MYH7: variants seen among roughly 807,000 people sequenced by gnomAD.
The protein encoded by MYH7 is myosin-7.
A neutral mutation model predicts 225.4 loss-of-function variants in MYH7; 129 were observed. The ratio of observed to expected loss-of-function variants is 0.57; its 90% CI spans 0.50 to 0.66. The LOEUF (loss-of-function observed/expected upper bound fraction) is 0.66. Ranked by LOEUF, MYH7 falls within the 30% of genes least tolerant of loss-of-function variation. The probability of loss-of-function intolerance (pLI) is 0.00; values close to 1 mark genes in which losing one functional copy is unlikely to be tolerated. For synonymous variants in MYH7, 971 were observed against 1,007.6 expected (o/e 0.96, Z 0.69); for missense variants, 1,649 against 2,517.0 (o/e 0.66, Z 7.38).
chr14:23,415,926 A>G lies in MYH7; in HGVS notation c.4953+78T>C. The G allele has an allele frequency of 6.2e-7, 1 of 1,613,478 alleles. No homozygotes were observed. The highest frequency in any genetic ancestry group is 8.5e-7 in the Non-Finnish European group (1 of 1,179,594). On this transcript the variant is annotated intron_variant, in intron 34 of 39. Coordinates refer to ENST00000355349, the MANE Select transcript of MYH7 (RefSeq NM_000257.4). The surrounding 1 kb of genome is among the most constrained non-coding windows in gnomAD (Gnocchi z 6.3). ...GAGGTCCCTGCAGTAACCTAGGGGC[A>G]GGAGGAATCTGGTGCCTGTATCAAG... is the stretch of plus-strand genomic sequence containing the variant.
chr14:23,425,177 G>T lies in MYH7; in HGVS notation c.2423+105C>A, dbSNP rs182839600. On this transcript the variant is annotated intron_variant, in intron 21 of 39. Coordinates refer to ENST00000355349, the MANE Select transcript of MYH7 (RefSeq NM_000257.4). This position sits in a 1 kb window ranked among gnomAD's most constrained non-coding sequence, Gnocchi z 4.6. Reference sequence around the variant, plus strand: ...CAGTGTGTTCATATGAGCCCCTCCTGCAGGTCTCTGTGTTTGAAGATCTGC... The same window carrying T: ...CAGTGTGTTCATATGAGCCCCTCCTTCAGGTCTCTGTGTTTGAAGATCTGC... 1.6e-4 allele frequency: 264 copies of T among 1,602,898 alleles called. 1 individual carries two copies. In the Admixed American group the frequency reaches 4.1e-3, roughly 25 times the overall value.
chr14:23,419,413 C>G, intron 28 of MYH7, 70 bp downstream of exon 28: 1 of 1,611,724 alleles, frequency 6.2e-7, no homozygotes, highest in South Asian at 1.1e-5. Flanking sequence ...GGCTTGTGCC[C>G]GAGGCTGGAG....
Position 23,419,998 on chromosome 14 carries a change from G to A in MYH7, c.3573C>T (p.Ala1191=). 6.3e-7 allele frequency: 1 copy of A among 1,597,252 alleles called. No homozygotes were observed. Among genetic ancestry groups the A allele is most frequent in the Non-Finnish European group, 8.6e-7 (1 of 1,169,054 alleles). ...ATLQHEATAA[A]LRKKHADSVA... ...CGCTGTCGGCGTGCTTCTTGCGCAG[G>A]GCCGCGGCAGTGGCCTCGTGCTGCA... The change falls in exon 27 of 40, where the codon GCC becomes GCT. Residue 1191 remains alanine, a synonymous_variant. Transcript: ENST00000355349.
Position 23,415,566 on chromosome 14 carries a change from C to T in MYH7, c.5158-60G>A, listed in dbSNP as rs1001644180. 6.2e-6 allele frequency: 10 copies of T among 1,613,978 alleles called. No individual in the cohort carries two copies. Among genetic ancestry groups the T allele is most frequent in the Non-Finnish European group, 8.5e-6 (10 of 1,180,036 alleles). The stretch of plus-strand genomic sequence containing the variant: ...GCATTGAGCATCTATGCATAGCTCT[C>T]AAGCCTTGCTTGCTGAGCCCCAGCC... On this transcript the variant is annotated intron_variant, in intron 35 of 39. Coordinates refer to ENST00000355349, the MANE Select transcript of MYH7 (RefSeq NM_000257.4). This position sits in a 1 kb window ranked among gnomAD's most constrained non-coding sequence, Gnocchi z 6.3.
chr14:23,424,233 C>G (rs1013955610), intron 22 of MYH7, 84 bp from the exon 23 acceptor site: 9 of 1,563,006 alleles, frequency 5.8e-6, no homozygotes, highest in Non-Finnish European at 7.8e-6. Flanking sequence ...GCACATCACT[C>G]AAATAGGAGG....
Position 23,419,483 on chromosome 14 carries a change from C to T in MYH7, c.3853G>A (p.Gly1285Ser). The T allele has an allele frequency of 6.2e-7, 1 of 1,614,056 alleles. No homozygotes were observed. The highest frequency in any genetic ancestry group is 8.5e-7 in the Non-Finnish European group (1 of 1,180,008). The change falls in exon 28 of 40, where the codon GGT (glycine) becomes AGT (serine). Residue 1285 changes from glycine to serine, a missense_variant and splice_region_variant. By Grantham distance (56) the Gly-to-Ser change is moderately conservative. Transcript: ENST00000355349. ...SQRAKLQTEN[G>S]ELSRQLDEKE... ...CATGGAGCCCCTGCTCTAGGCTCACCATTCTCGGTTTGCAACTTGGCCCGC... is the reference window on the plus strand; with the variant it reads ...CATGGAGCCCCTGCTCTAGGCTCACTATTCTCGGTTTGCAACTTGGCCCGC...
intron 22 of MYH7, 111 bp downstream of exon 22, chr14:23,424,658 G>C: frequency 6.4e-7 from 1 of 1,567,902 alleles, no homozygotes; most frequent in Non-Finnish European, 8.7e-7. Context: ...TGATCCCAGA[G>C]TCCTCTGACT....
intron 4 of MYH7, 81 bp from the exon 5 acceptor site, chr14:23,432,876 G>A (rs1893006095): frequency 6.3e-7 from 1 of 1,582,312 alleles, no homozygotes; most frequent in Non-Finnish European, 8.7e-7. Context: ...AAAGATCCCA[G>A]GAGAGAAAGA....
rs1463884447 is a variant in MYH7, at chr14:23,419,549, C to T, written c.3787G>A (p.Ala1263Thr). 1.2e-6 allele frequency: 2 copies of T among 1,613,958 alleles called. No homozygotes were observed. The highest frequency in any genetic ancestry group is 2.2e-5 in the East Asian group (1 of 44,884). The change falls in exon 28 of 40, where the codon GCG becomes ACG. Residue 1263 changes from alanine to threonine, a missense_variant. By Grantham distance (58) the Ala-to-Thr change is moderately conservative. Coordinates refer to ENST00000355349, the MANE Select transcript of MYH7 (RefSeq NM_000257.4). ...TTGACAGAACGCTGGGTCTCCTCCG[C>T]CTTGCTCCGGTGCTCATTCATCTGG... Reference protein sequence around the residue: ...EDQMNEHRSKAEETQRSVNDL... With the variant: ...EDQMNEHRSKTEETQRSVNDL...
In MYH7 at chr14:23,415,167, C is replaced by A; in HGVS notation, c.5387G>T (p.Arg1796Leu). ...GGCGATCTGCTCGGCTTCGTCCAGC[C>A]GGTGCTGCAGGTCCTTAATGGTCTG... is the stretch of plus-strand genomic sequence containing the variant. Reference protein sequence around the residue: ...MEQTIKDLQHRLDEAEQIALK... With the variant: ...MEQTIKDLQHLLDEAEQIALK... Residue 1796 changes from arginine (R) to leucine (L), a missense_variant, in exon 37 of 40, where the codon CGG becomes CTG. By Grantham distance (102) the Arg-to-Leu change is moderately radical (BLOSUM62 -2). Around this residue, in one of 12 missense-constraint regions of MYH7, gnomAD observed 687 missense variants for 913.8 expected, o/e 0.75. Coordinates refer to ENST00000355349, the MANE Select transcript of MYH7 (RefSeq NM_000257.4). This position sits in a 1 kb window ranked among gnomAD's most constrained non-coding sequence, Gnocchi z 6.3. 1 of 1,614,224 alleles carries A rather than the reference C, an allele frequency of 6.2e-7. No homozygotes were observed. The highest frequency in any genetic ancestry group is 8.5e-7 in the Non-Finnish European group (1 of 1,180,046).
rs772725554 is a variant in MYH7 at position 23,432,459 on chromosome 14, A to G, written c.530+20T>C. 1 of 1,614,068 alleles carries G rather than the reference A, an allele frequency of 6.2e-7. No individual in the cohort carries two copies. Among genetic ancestry groups the G allele is most frequent in the South Asian group, 1.1e-5 (1 of 91,080 alleles). The stretch of plus-strand genomic sequence containing the variant: ...GATCAGGGAGATTCTGAAAGGGAAT[A>G]CAGTAGCAGCTACACTCACGTGATC... On this transcript the variant is annotated intron_variant, in intron 6 of 39. Transcript: ENST00000355349.
chr14:23,417,058 C>G (rs987188456), intron 32 of MYH7, 66 bp from the exon 33 acceptor site: 1 of 1,613,956 alleles, frequency 6.2e-7, no homozygotes, highest in Non-Finnish European at 8.5e-7. Context: ...AGGGACACGC[C>G]TCTTTGCCCA....
Position 23,431,746 on chromosome 14 carries a change from G to A in MYH7, c.639+15C>T, listed in dbSNP as rs1489381318. 1 of 1,614,148 alleles carries A rather than the reference G, an allele frequency of 6.2e-7. No homozygotes were observed. Among genetic ancestry groups the A allele is most frequent in the Non-Finnish European group, 8.5e-7 (1 of 1,179,978 alleles). ...CCTTTCTGCGGTACAGGACCTTGGA[G>A]GGCAGCAGGCCTACCTTGCCCGGGC... is the stretch of plus-strand genomic sequence containing the variant. On this transcript the variant is annotated intron_variant, in intron 7 of 39. Coordinates refer to ENST00000355349, the MANE Select transcript of MYH7 (RefSeq NM_000257.4).
intron 25 of MYH7, chr14:23,421,773 T>G (rs743567): frequency 0.37 from 361,455 of 984,712 alleles, 70,000 homozygotes; most frequent in African/African-American, 0.66. Context: ...CTGACTTCTT[T>G]AATGTGAGGG....
chr14:23,417,416 C>T (rs1035184739), intron 31 of MYH7, 87 bp downstream of exon 31: 18 of 1,611,668 alleles, frequency 1.1e-5, no homozygotes, highest in Non-Finnish European at 1.3e-5. Context: ...CCTCCCCCAC[C>T]TCCAAGGAGG....
At chr14:23,424,200 C>T in intron 22 of MYH7, 51 bp from the exon 23 acceptor site, 1 of 1,611,244 alleles carries the variant, frequency 6.2e-7, no homozygotes, top group Non-Finnish European at 8.5e-7. Context: ...GGTCCTCATT[C>T]TTGCAGGTAG....
rs752592463 is a variant in MYH7, at chr14:23,433,089, T to A, written c.340A>T (p.Ile114Phe). The A allele has an allele frequency of 6.2e-7, 1 of 1,614,004 alleles. No homozygotes were observed. The change falls in exon 4 of 40, where the codon ATC becomes TTC. Residue 114 changes from isoleucine (I) to phenylalanine (F), a missense_variant. Transcript: ENST00000355349. This position sits in a 1 kb window ranked among gnomAD's most constrained non-coding sequence, Gnocchi z 4.1. ...GGGCCAGGTGCAGCACTCACGTAGATCATCCAGGAGCCGTAGCGATCCTTG... is the reference window on the plus strand; with the variant it reads ...GGGCCAGGTGCAGCACTCACGTAGAACATCCAGGAGCCGTAGCGATCCTTG... Reference protein sequence around the residue: ...NLKDRYGSWMIYTYSGLFCVT... With the variant: ...NLKDRYGSWMFYTYSGLFCVT...
At chr14:23,420,935 C>G (rs1378196310) in intron 26 of MYH7, 23 bp downstream of exon 26, 1 of 1,600,824 alleles carries the variant, frequency 6.2e-7, no homozygotes, top group Non-Finnish European at 8.5e-7. Flanking sequence ...ACTCAGCATC[C>G]CGCGTGGGTG....
chr14:23,417,452 C>T, intron 31 of MYH7, 51 bp downstream of exon 31: 2 of 1,612,222 alleles, frequency 1.2e-6, no homozygotes, highest in Non-Finnish European at 8.5e-7. Flanking sequence ...CACTGAACCC[C>T]TCATGCCCCC....
Sources: allele counts gnomAD v4.1 joint callset, GRCh38; gene constraint gnomAD v4.1.1; regional missense constraint gnomAD v4.1.1; non-coding constraint Gnocchi (gnomAD v3.1); transcripts MANE v1.5; gene names NCBI Gene and HGNC (gene_info 2026-07-23, HGNC 2026-07-21).